Variants in DAAM1 observed in about 807,000 individuals in gnomAD.
DAAM1 encodes the protein disheveled-associated activator of morphogenesis 1.
DAAM1 carries 52 observed loss-of-function variants against 130.0 expected under a neutral mutation model. The ratio of observed to expected loss-of-function variants is 0.40; its 90% CI spans 0.32 to 0.50. The LOEUF is 0.50. DAAM1 is among the 20% of genes least tolerant of loss of function. DAAM1 has a pLI of 0.61. For synonymous variants in DAAM1, 452 were observed against 444.5 expected, an observed-to-expected ratio of 1.02 and a Z score of -0.21; for missense variants, 1,134 against 1,303.8, an observed-to-expected ratio of 0.87 and a Z score of 2.01.
intron 1 of DAAM1, among the ~76,000 whole-genome samples, chr14:59,215,934 C>T (rs184681989): frequency 2.0e-5 from 3 of 152,256 alleles, no homozygotes; most frequent in African/African-American, 7.2e-5. Context: ...TCTCACGTTC[C>T]TCTCATTTTT....
At chr14:59,236,166 T>A (rs1719333781) in intron 1 of DAAM1, among the ~76,000 whole-genome samples, 1 of 152,128 alleles carries the variant, frequency 6.6e-6, no homozygotes, top group South Asian at 2.1e-4. Context: ...ATTAATAGTG[T>A]TCTTTCCTGA....
Position 59,331,454 on chromosome 14 carries a change from C to T in DAAM1, c.1806C>T (p.Ser602=), listed in dbSNP as rs962260014. The T allele has an allele frequency of 6.2e-7, 1 of 1,613,200 alleles. No homozygotes were observed. The highest frequency in any genetic ancestry group is 1.1e-5 in the South Asian group (1 of 90,992). The part of the protein sequence containing the change: ...APMGLALKKK[S]IPQPTNALKS... ...TGGGCCTAGCACTGAAGAAGAAAAG[C>T]ATTCCTCAGCCCACAAATGCCCTGA... is the stretch of plus-strand genomic sequence containing the variant. Residue 602 remains serine (S), a synonymous_variant, in exon 14 of 25, where the codon AGC becomes AGT. Transcript: ENST00000360909.
intron 2 of DAAM1, among the ~76,000 whole-genome samples, chr14:59,268,148 A>G (rs1235498172): frequency 6.6e-6 from 1 of 151,756 alleles, no homozygotes; most frequent in Non-Finnish European, 1.5e-5. Context: ...TGATCCGCCC[A>G]CCTCAGCCTC....
intron 23 of DAAM1, among the ~76,000 whole-genome samples, chr14:59,366,446 T>G: frequency 6.6e-6 from 1 of 152,150 alleles, no homozygotes; most frequent in East Asian, 1.9e-4. Context: ...GCTTTCTATA[T>G]TGACCATATG....
chr14:59,355,051 C>T (rs1178418044), intron 19 of DAAM1, 114 bp from the exon 20 acceptor site: 2 of 1,373,518 alleles, frequency 1.5e-6, no homozygotes, highest in Non-Finnish European at 2.0e-6. Context: ...CTCAGTCTTA[C>T]ATCTTCAATA....
chr14:59,225,142 C>T (rs188722661), intron 1 of DAAM1, among the ~76,000 whole-genome samples: 56 of 148,830 alleles, frequency 3.8e-4, no homozygotes, highest in African/African-American at 1.2e-3. Flanking sequence ...ATTCTTCTGC[C>T]TCAGCCTCCC....
intron 2 of DAAM1, among the ~76,000 whole-genome samples, chr14:59,278,617 A>G (rs1247439166): frequency 6.6e-6 from 1 of 152,174 alleles, no homozygotes; most frequent in Non-Finnish European, 1.5e-5. Flanking sequence ...AGGGGGAAAA[A>G]CAAACTGAAA....
At chr14:59,368,607 C>T (rs1887017293) in intron 24 of DAAM1, 43 bp from the exon 25 acceptor site, 1 of 1,576,746 alleles carries the variant, frequency 6.3e-7, no homozygotes, top group African/African-American at 1.4e-5. Flanking sequence ...CAAAATGCAA[C>T]ATTTTGACAT....
At chr14:59,347,516 A>AT (rs1335442250) in intron 16 of DAAM1, 23 bp from the exon 17 acceptor site, 1 of 1,606,476 alleles carries the variant, frequency 6.2e-7, no homozygotes, top group Non-Finnish European at 8.5e-7. Context: ...AATATGGTTA[A>AT]TAACAAAATA....
chr14:59,285,426 C>T (rs1208005470), intron 2 of DAAM1, among the ~76,000 whole-genome samples: 6 of 152,122 alleles, frequency 3.9e-5, no homozygotes, highest in South Asian at 2.1e-4. Flanking sequence ...ATCAAATCCT[C>T]ACATATTAAT....
At chr14:59,338,050 C>A (rs1013831114) in intron 15 of DAAM1, among the ~76,000 whole-genome samples, 31 of 152,172 alleles carry the variant, frequency 2.0e-4, no homozygotes, top group African/African-American at 7.2e-4. Flanking sequence ...AGCCAGTGGT[C>A]ATTTCAAAGA....
rs768960596 is a variant in DAAM1, at chr14:59,359,406, C to T, written c.2535C>T (p.Thr845=). 6.2e-7 allele frequency: 1 copy of T among 1,609,380 alleles called. No homozygotes were observed. Among genetic ancestry groups the T allele is most frequent in the South Asian group, 1.1e-5 (1 of 90,610 alleles). ...DTKSSIDKNI[T]LLHYLITIVE... ...CCTTCTTCAATTGTAGAAACATTAC[C>T]CTTTTGCACTATCTCATCACTATTG... Residue 845 remains threonine, a synonymous_variant, in exon 21 of 25, where the codon ACC becomes ACT. Coordinates refer to ENST00000360909, the MANE Select transcript of DAAM1 (RefSeq NM_001270520.2).
At chr14:59,272,088 C>G (rs1882734658) in intron 2 of DAAM1, among the ~76,000 whole-genome samples, 1 of 149,896 alleles carries the variant, frequency 6.7e-6, no homozygotes, top group Admixed American at 6.6e-5. Context: ...AGATACATGT[C>G]TACAATAGTG....
Position 59,363,753 on chromosome 14 carries a change from G to GA in DAAM1, c.2799dup (p.Asp934ArgfsTer7). On this transcript the variant is annotated frameshift_variant, in exon 23 of 25. Transcript: ENST00000360909. LOFTEE classifies it high-confidence loss of function. ...AGCCAGCTTCAGCTTCTCTGATGTT[G>GA]AAGACCTTCTAGCAGAAGCTAAAGA... 6.2e-7 allele frequency: 1 copy of GA among 1,614,078 alleles called. No homozygotes were observed. The highest frequency in any genetic ancestry group is 8.5e-7 in the Non-Finnish European group (1 of 1,179,980).
At chr14:59,291,755 G>A (rs1379985046) in intron 3 of DAAM1, among the ~76,000 whole-genome samples, 1 of 152,074 alleles carries the variant, frequency 6.6e-6, no homozygotes, top group Non-Finnish European at 1.5e-5. Context: ...AACCAGCGAT[G>A]GAAGAAAGGA....
chr14:59,213,751 C>T (rs758015337), intron 1 of DAAM1, among the ~76,000 whole-genome samples: 1 of 152,160 alleles, frequency 6.6e-6, no homozygotes, highest in Non-Finnish European at 1.5e-5. Flanking sequence ...GTGAAGCTTA[C>T]TTTTATAAAT....
At chr14:59,234,344 C>T (rs1005559514) in intron 1 of DAAM1, among the ~76,000 whole-genome samples, 21 of 152,138 alleles carry the variant, frequency 1.4e-4, no homozygotes, top group Non-Finnish European at 2.2e-4. Context: ...AAGTCCTTCA[C>T]GTCCTTTGTC....
chr14:59,227,038 C>G (rs1888961439), intron 1 of DAAM1, among the ~76,000 whole-genome samples: 1 of 152,278 alleles, frequency 6.6e-6, no homozygotes, highest in South Asian at 2.1e-4. Flanking sequence ...AAATGCCTAG[C>G]ATACATCTGT....
chr14:59,254,509 T>G (rs1180016251), intron 1 of DAAM1, among the ~76,000 whole-genome samples: 1 of 152,174 alleles, frequency 6.6e-6, no homozygotes, highest in Non-Finnish European at 1.5e-5. Context: ...GAGAAAATTA[T>G]TTGCATTTCT....
Sources: gnomAD v4.1 joint callset for allele counts (sites outside exome capture counted in the v4.1 genomes callset) on GRCh38, gnomAD v4.1.1 for gene constraint, MANE v1.5 for transcripts, NCBI Gene and HGNC (gene_info 2026-07-23, HGNC 2026-07-21) for gene names.